Variants in PRELID2 observed in about 807,000 individuals in gnomAD.
PRELID2 encodes the protein PRELI domain containing 2, also known as PRELI domain-containing protein 2.
A neutral mutation model predicts 28.4 loss-of-function variants in PRELID2; 25 were observed. That is an observed-to-expected ratio of 0.88 (90% CI 0.64 to 1.23). PRELID2 has a LOEUF of 1.23. PRELID2 is among the 50% of genes most tolerant of loss of function. The pLI, the probability that PRELID2 is intolerant of heterozygous loss-of-function variation, is 0.00. For missense variants in PRELID2, 201 were observed against 214.4 expected, an observed-to-expected ratio of 0.94 and a Z score of 0.39; for synonymous variants, 76 against 71.6, an observed-to-expected ratio of 1.06 and a Z score of -0.31.
chr5:145,382,623 AT>A, the PRELID2 span, among the ~76,000 whole-genome samples: 9 of 152,186 alleles, frequency 5.9e-5, no homozygotes, highest in East Asian at 1.5e-3. Flanking sequence ...TCTAGCAAAA[AT>A]AAAATGAAAG....
At chr5:145,246,839 T>C in the PRELID2 span, among the ~76,000 whole-genome samples, 2 of 152,150 alleles carry the variant, frequency 1.3e-5, no homozygotes, top group Non-Finnish European at 2.9e-5. Context: ...CAAACTAACC[T>C]AGGGAAGAAA....
At chr5:145,456,192 C>T in the PRELID2 span, among the ~76,000 whole-genome samples, 2 of 152,194 alleles carry the variant, frequency 1.3e-5, no homozygotes, top group African/African-American at 4.8e-5. Context: ...AGGCATACTG[C>T]TTAATTCAGC....
chr5:145,689,821 C>T (rs1434428130), intron 1 of PRELID2, among the ~76,000 whole-genome samples: 1 of 152,180 alleles, frequency 6.6e-6, no homozygotes, highest in Non-Finnish European at 1.5e-5. Flanking sequence ...TCTGAGGCCA[C>T]ATAGAGCAAA....
chr5:145,797,081 A>G (rs987154688), intron 4 of PRELID2, among the ~76,000 whole-genome samples: 1 of 152,138 alleles, frequency 6.6e-6, no homozygotes, highest in East Asian at 1.9e-4. Flanking sequence ...GACAGAAGAG[A>G]TATGTCACCA....
At chr5:145,691,766 C>T (rs1480478712) in intron 1 of PRELID2, among the ~76,000 whole-genome samples, 2 of 152,046 alleles carry the variant, frequency 1.3e-5, no homozygotes, top group Non-Finnish European at 2.9e-5. Flanking sequence ...GTCCAAAAAT[C>T]TTAATCAAAA....
intron 1 of PRELID2, among the ~76,000 whole-genome samples, chr5:145,606,823 T>C (rs938883977): frequency 2.6e-5 from 4 of 152,084 alleles, no homozygotes; most frequent in Non-Finnish European, 4.4e-5. Flanking sequence ...TTTGGAATAG[T>C]TTTAGTAGGA....
chr5:145,361,403 G>A, the PRELID2 span, among the ~76,000 whole-genome samples: 34 of 152,218 alleles, frequency 2.2e-4, no homozygotes, highest in East Asian at 1.7e-3. Context: ...GATGCTCCCC[G>A]AAAGATGCCT....
intron 1 of PRELID2, among the ~76,000 whole-genome samples, chr5:145,490,889 A>T (rs1365219930): frequency 1.3e-5 from 2 of 152,030 alleles, no homozygotes; most frequent in East Asian, 3.9e-4. Flanking sequence ...CAGTTTCCAC[A>T]GTCCCCACCC....
At chr5:145,402,733 C>G in the PRELID2 span, among the ~76,000 whole-genome samples, 9 of 152,146 alleles carry the variant, frequency 5.9e-5, no homozygotes, top group Non-Finnish European at 1.3e-4. Context: ...AGCATAGTGT[C>G]TGCCATATGT....
chr5:145,788,554 A>G (rs966050680), intron 5 of PRELID2, among the ~76,000 whole-genome samples: 14 of 152,180 alleles, frequency 9.2e-5, no homozygotes, highest in African/African-American at 3.1e-4. Flanking sequence ...AAAAATTCAC[A>G]GAAATGGTAT....
At chr5:145,775,650 A>G (rs1047511091) in intron 5 of PRELID2, among the ~76,000 whole-genome samples, 4 of 152,248 alleles carry the variant, frequency 2.6e-5, no homozygotes, top group African/African-American at 9.6e-5. Context: ...TGTAATGCCA[A>G]CATGGAGGGC....
the PRELID2 span, among the ~76,000 whole-genome samples, chr5:145,419,650 G>T: frequency 6.6e-6 from 1 of 151,934 alleles, no homozygotes; most frequent in African/African-American, 2.4e-5. Flanking sequence ...AGATGAGTAG[G>T]TTGCGAAAAT....
chr5:145,535,782 G>A (rs538677215), intron 1 of PRELID2, among the ~76,000 whole-genome samples: 1 of 152,018 alleles, frequency 6.6e-6, no homozygotes, highest in Non-Finnish European at 1.5e-5. Flanking sequence ...AGTGTTTTAA[G>A]TCATTTATTC....
At chr5:145,306,949 A>G in the PRELID2 span, among the ~76,000 whole-genome samples, 1 of 152,156 alleles carries the variant, frequency 6.6e-6, no homozygotes, top group Non-Finnish European at 1.5e-5. Context: ...TCAAAATAGG[A>G]GATACAACTA....
chr5:145,742,435 C>T (rs764289468), intron 1 of PRELID2, among the ~76,000 whole-genome samples: 9 of 134,748 alleles, frequency 6.7e-5, no homozygotes, highest in African/African-American at 2.2e-4. Context: ...AACCAGAAAT[C>T]GATAACAGAA....
chr5:145,348,667 C>T, the PRELID2 span, among the ~76,000 whole-genome samples: 1 of 148,870 alleles, frequency 6.7e-6, no homozygotes, highest in Non-Finnish European at 1.5e-5. Flanking sequence ...ATTCACTATT[C>T]TACATATTTT....
chr5:145,809,319 G>C (rs1753772584), intron 4 of PRELID2, among the ~76,000 whole-genome samples: 1 of 152,246 alleles, frequency 6.6e-6, no homozygotes, highest in Admixed American at 6.5e-5. Context: ...CGGGATTACA[G>C]GCATGAGCCA....
chr5:145,518,314 C>T (rs552998999), intron 1 of PRELID2, among the ~76,000 whole-genome samples: 110 of 152,102 alleles, frequency 7.2e-4, no homozygotes, highest in African/African-American at 2.4e-3. Flanking sequence ...ATTCTTCTGC[C>T]TCACCCTCCC....
the PRELID2 span, among the ~76,000 whole-genome samples, chr5:145,409,117 C>T: frequency 6.6e-6 from 1 of 152,084 alleles, no homozygotes; most frequent in African/African-American, 2.4e-5. Context: ...TCCAGCAAAA[C>T]TAAGCTTCAT....
Sources: allele counts gnomAD v4.1 joint callset (sites outside exome capture counted in the v4.1 genomes callset), GRCh38; gene constraint gnomAD v4.1.1; transcripts MANE v1.5; gene names NCBI Gene and HGNC (gene_info 2026-07-23, HGNC 2026-07-21).